RALGAPA2: variants seen among roughly 807,000 people sequenced by gnomAD.
RALGAPA2 encodes the protein Ral GTPase activating protein catalytic subunit alpha 2.
Under a neutral mutation model 230.4 loss-of-function variants are expected in RALGAPA2, and 139 were observed. That is an observed-to-expected ratio of 0.60 (90% CI 0.53 to 0.69). The LOEUF is 0.69. Among genes scored for constraint, RALGAPA2 ranks in the 30% least tolerant of loss-of-function variants. RALGAPA2 has a pLI of 0.00. For missense variants in RALGAPA2, 2,163 were observed against 2,276.0 expected (o/e 0.95, Z 1.01); for synonymous variants, 847 against 837.8 (o/e 1.01, Z -0.19).
intron 36 of RALGAPA2, among the ~76,000 whole-genome samples, chr20:20,486,235 T>C (rs1237639846): frequency 1.3e-5 from 2 of 151,982 alleles, no homozygotes; most frequent in Non-Finnish European, 2.9e-5. Context: ...TTATGACTTC[T>C]ATAATTTTTT....
chr20:20,563,510 C>G (rs1383248517), intron 23 of RALGAPA2, among the ~76,000 whole-genome samples: 1 of 152,168 alleles, frequency 6.6e-6, no homozygotes, highest in African/African-American at 2.4e-5. Context: ...GAAATCTTTC[C>G]TGCACATTTC....
intron 37 of RALGAPA2, among the ~76,000 whole-genome samples, chr20:20,443,009 T>C (rs1177924955): frequency 6.6e-6 from 1 of 152,206 alleles, no homozygotes; most frequent in African/African-American, 2.4e-5. Context: ...GCTCTATCAA[T>C]GGACCATGAT....
chr20:20,706,479 G>A (rs187991291), intron 1 of RALGAPA2, among the ~76,000 whole-genome samples: 1 of 152,302 alleles, frequency 6.6e-6, no homozygotes, highest in Non-Finnish European at 1.5e-5. Context: ...GAATGTCCAC[G>A]TGGCATTAAT....
At chr20:20,570,596 T>G (rs2064595652) in intron 23 of RALGAPA2, among the ~76,000 whole-genome samples, 1 of 152,230 alleles carries the variant, frequency 6.6e-6, no homozygotes, top group South Asian at 2.1e-4. Context: ...TCTTTTCTAT[T>G]CCTTTCTTTC....
At chr20:20,399,888 G>A (rs779604927) in intron 38 of RALGAPA2, among the ~76,000 whole-genome samples, 5 of 152,226 alleles carry the variant, frequency 3.3e-5, no homozygotes, top group African/African-American at 7.2e-5. Flanking sequence ...GACAAGAAAC[G>A]CTGCTGCCTG....
intron 1 of RALGAPA2, among the ~76,000 whole-genome samples, chr20:20,682,486 A>C (rs559841976): frequency 2.6e-5 from 4 of 151,966 alleles, no homozygotes; most frequent in African/African-American, 9.7e-5. Context: ...GCTCCTACTC[A>C]CCCTCACTAG....
chr20:20,590,545 T>C (rs550547592), intron 17 of RALGAPA2, among the ~76,000 whole-genome samples: 1 of 152,184 alleles, frequency 6.6e-6, no homozygotes, highest in South Asian at 2.1e-4. Flanking sequence ...TTTCCAATGA[T>C]ACTAGACACA....
At chr20:20,516,078 C>T (rs1447824403) in intron 31 of RALGAPA2, among the ~76,000 whole-genome samples, 2 of 152,186 alleles carry the variant, frequency 1.3e-5, no homozygotes, top group Non-Finnish European at 2.9e-5. Context: ...CTACTCTCCA[C>T]TCCCATTGTG....
At chr20:20,557,792 C>T (rs1036360773) in intron 23 of RALGAPA2, among the ~76,000 whole-genome samples, 2 of 152,108 alleles carry the variant, frequency 1.3e-5, no homozygotes, top group East Asian at 1.9e-4. Context: ...AAAAGAGATC[C>T]GAGAGATCAT....
At chr20:20,548,877 C>T (rs950069032) in intron 23 of RALGAPA2, among the ~76,000 whole-genome samples, 1 of 152,210 alleles carries the variant, frequency 6.6e-6, no homozygotes, top group African/African-American at 2.4e-5. Context: ...TATCCGGCAG[C>T]AGATGGAAGC....
At chr20:20,457,498 A>G (rs2061150064) in intron 37 of RALGAPA2, among the ~76,000 whole-genome samples, 1 of 152,166 alleles carries the variant, frequency 6.6e-6, no homozygotes, top group South Asian at 2.1e-4. Flanking sequence ...CTTTTCTGTG[A>G]TGACAAGGAG....
chr20:20,669,343 G>A (rs2068059718), intron 3 of RALGAPA2, among the ~76,000 whole-genome samples: 1 of 152,182 alleles, frequency 6.6e-6, no homozygotes, highest in Admixed American at 6.5e-5. Flanking sequence ...CTGTATTCTT[G>A]ATGTGCTGAC....
chr20:20,418,363 T>A (rs1401188409), intron 37 of RALGAPA2, among the ~76,000 whole-genome samples: 1 of 152,150 alleles, frequency 6.6e-6, no homozygotes. Flanking sequence ...AGACAGGACA[T>A]GGGTCACAGG....
chr20:20,429,533 T>G (rs2060458976), intron 37 of RALGAPA2, among the ~76,000 whole-genome samples: 1 of 152,246 alleles, frequency 6.6e-6, no homozygotes, highest in African/African-American at 2.4e-5. Flanking sequence ...TTAATTTGAT[T>G]CTTTCCTTCA....
intron 1 of RALGAPA2, among the ~76,000 whole-genome samples, chr20:20,684,556 C>T (rs1000640109): frequency 6.6e-6 from 1 of 152,148 alleles, no homozygotes; most frequent in Non-Finnish European, 1.5e-5. Context: ...AGCTTAAGTA[C>T]TCACTAACAA....
chr20:20,684,435 G>C (rs1441092316), intron 1 of RALGAPA2, among the ~76,000 whole-genome samples: 1 of 152,080 alleles, frequency 6.6e-6, no homozygotes, highest in Non-Finnish European at 1.5e-5. Flanking sequence ...CATGTTTAAG[G>C]ATCCCTCTTA....
intron 23 of RALGAPA2, among the ~76,000 whole-genome samples, chr20:20,569,079 C>A (rs1167465941): frequency 1.3e-5 from 2 of 152,108 alleles, no homozygotes; most frequent in Non-Finnish European, 1.5e-5. Context: ...TAAATGCTTT[C>A]TTTTCTTTTT....
intron 35 of RALGAPA2, among the ~76,000 whole-genome samples, chr20:20,499,423 A>T (rs2062308605): frequency 6.6e-6 from 1 of 152,256 alleles, no homozygotes; most frequent in Non-Finnish European, 1.5e-5. Flanking sequence ...GTCATAAGAA[A>T]ATTATAGAAT....
intron 1 of RALGAPA2, among the ~76,000 whole-genome samples, chr20:20,709,749 G>T (rs2069772744): frequency 6.6e-6 from 1 of 152,034 alleles, no homozygotes; most frequent in African/African-American, 2.4e-5. Context: ...CATCCAAATT[G>T]GAGTTATTAC....
Sources: allele counts gnomAD v4.1 joint callset (sites outside exome capture counted in the v4.1 genomes callset), GRCh38; gene constraint gnomAD v4.1.1; transcripts MANE v1.5; gene names NCBI Gene and HGNC (gene_info 2026-07-23, HGNC 2026-07-21).